The following UBR1 variants were observed in gnomAD, a reference collection of about 807,000 sequenced individuals.
UBR1 encodes ubiquitin protein ligase E3 component n-recognin 1, also known as E3 ubiquitin-protein ligase UBR1.
A neutral mutation model predicts 242.1 loss-of-function variants in UBR1; 102 were observed. The observed-to-expected ratio is 0.42, with a 90% CI of 0.36 to 0.50. The LOEUF is 0.50. Ranked by LOEUF, UBR1 falls within the 20% of genes least tolerant of loss-of-function variation. The pLI, the probability that UBR1 is intolerant of heterozygous loss-of-function variation, is 0.01. For synonymous variants in UBR1, 675 were observed against 684.8 expected (o/e 0.99, Z 0.22); for missense variants, 1,772 against 2,101.8 (o/e 0.84, Z 3.07).
intron 32 of UBR1, among the ~76,000 whole-genome samples, chr15:43,001,520 T>C (rs1429023200): frequency 6.6e-6 from 1 of 152,248 alleles, no homozygotes; most frequent in Non-Finnish European, 1.5e-5. Context: ...TAAAGGTATT[T>C]TTATCAACAA....
intron 37 of UBR1, among the ~76,000 whole-genome samples, chr15:42,983,563 G>A (rs908570890): frequency 4.0e-5 from 6 of 151,424 alleles, no homozygotes; most frequent in African/African-American, 1.5e-4. Context: ...TACTCAGAGG[G>A]CTGAGAAAGC....
At chr15:43,095,940 G>C (rs1240666528) in intron 1 of UBR1, among the ~76,000 whole-genome samples, 2 of 152,094 alleles carry the variant, frequency 1.3e-5, no homozygotes. Flanking sequence ...AATTTTTTTG[G>C]TTTCCCAATG....
intron 3 of UBR1, among the ~76,000 whole-genome samples, chr15:43,077,865 G>A (rs1336192112): frequency 1.3e-5 from 2 of 152,064 alleles, no homozygotes; most frequent in Non-Finnish European, 2.9e-5. Flanking sequence ...GCAACAACCT[G>A]ATTTTGAATC....
intron 4 of UBR1, among the ~76,000 whole-genome samples, chr15:43,072,453 A>G (rs891572242): frequency 7.2e-5 from 11 of 152,194 alleles, no homozygotes; most frequent in African/African-American, 2.4e-4. Flanking sequence ...TGGTGTCTAC[A>G]AAATCACGTC....
intron 29 of UBR1, among the ~76,000 whole-genome samples, chr15:43,009,774 C>T (rs896854520): frequency 6.6e-6 from 1 of 152,174 alleles, no homozygotes; most frequent in African/African-American, 2.4e-5. Context: ...TCTGTCTGTG[C>T]AAGAAGCTCC....
At chr15:43,009,935 A>G (rs1446572565) in intron 29 of UBR1, among the ~76,000 whole-genome samples, 2 of 152,196 alleles carry the variant, frequency 1.3e-5, no homozygotes, top group African/African-American at 2.4e-5. Context: ...CAGTGGCGCG[A>G]TCTCGGCTCA....
At chr15:43,016,308 G>A (rs913209314) in intron 28 of UBR1, among the ~76,000 whole-genome samples, 1 of 152,088 alleles carries the variant, frequency 6.6e-6, no homozygotes, top group African/African-American at 2.4e-5. Flanking sequence ...TTTGGTGCAT[G>A]TTAATTTTCT....
intron 14 of UBR1, 99 bp from the exon 15 acceptor site, chr15:43,043,494 TACAGTGGCATAATC>T: frequency 9.0e-7 from 1 of 1,110,392 alleles, no homozygotes; most frequent in Non-Finnish European, 1.3e-6. Flanking sequence ...TAGGCTGGAG[TACAGTGGCATAATC>T]ACAGCTCACT....
intron 14 of UBR1, among the ~76,000 whole-genome samples, chr15:43,045,180 C>G (rs1221799685): frequency 6.6e-6 from 1 of 152,032 alleles, no homozygotes; most frequent in Non-Finnish European, 1.5e-5. Context: ...AGTTTGAGGC[C>G]AGGTGTGGTG....
chr15:43,027,991 G>A (rs1380964649), intron 21 of UBR1, among the ~76,000 whole-genome samples, 163 bp from the exon 22 acceptor site: 6 of 152,090 alleles, frequency 3.9e-5, no homozygotes, highest in Non-Finnish European at 7.4e-5. Context: ...AATTATCTAC[G>A]TTTTGGGAGA....
At chr15:43,023,802 C>A (rs1411158845) in intron 25 of UBR1, among the ~76,000 whole-genome samples, 2 of 151,794 alleles carry the variant, frequency 1.3e-5, no homozygotes, top group Non-Finnish European at 2.9e-5. Context: ...TTTTTGGAGG[C>A]CAATTTGAAA....
At chr15:42,996,835 GAGT>G (rs2032648579) in intron 33 of UBR1, among the ~76,000 whole-genome samples, 1 of 152,150 alleles carries the variant, frequency 6.6e-6, no homozygotes, top group Non-Finnish European at 1.5e-5. Flanking sequence ...TAAATATTTT[GAGT>G]AGAATACCTA....
intron 20 of UBR1, 55 bp downstream of exon 20, chr15:43,032,513 G>A: frequency 2.5e-6 from 3 of 1,200,422 alleles, no homozygotes; most frequent in Non-Finnish European, 3.7e-6. Context: ...CATATAAATG[G>A]TCTCTCTAAA....
chr15:43,104,516 A>G (rs2034273672), intron 1 of UBR1, among the ~76,000 whole-genome samples: 1 of 152,070 alleles, frequency 6.6e-6, no homozygotes, highest in Non-Finnish European at 1.5e-5. Context: ...TTGAACTGCT[A>G]TTTGGGGTGG....
chr15:42,971,224 G>T, intron 39 of UBR1, among the ~76,000 whole-genome samples: 1 of 152,220 alleles, frequency 6.6e-6, no homozygotes. Flanking sequence ...AGGAATCTAA[G>T]CCAGCAGATA....
chr15:43,030,807 C>G (rs2033246032), intron 20 of UBR1, among the ~76,000 whole-genome samples: 1 of 152,172 alleles, frequency 6.6e-6, no homozygotes, highest in South Asian at 2.1e-4. Flanking sequence ...CCTATGATAT[C>G]TATAAGAGGG....
chr15:42,972,125 A>C, intron 39 of UBR1, among the ~76,000 whole-genome samples: 1 of 152,258 alleles, frequency 6.6e-6, no homozygotes, highest in East Asian at 1.9e-4. Context: ...CCATTGTAGT[A>C]TTTTTCATAA....
At chr15:42,997,000 G>A (rs1020897083) in intron 33 of UBR1, among the ~76,000 whole-genome samples, 3 of 152,164 alleles carry the variant, frequency 2.0e-5, no homozygotes, top group African/African-American at 7.2e-5. Context: ...GGCCATGGAC[G>A]AGTACCAGTC....
chr15:43,078,018 T>G (rs1306792480), intron 3 of UBR1, among the ~76,000 whole-genome samples: 3 of 152,150 alleles, frequency 2.0e-5, no homozygotes, highest in Non-Finnish European at 2.9e-5. Context: ...GAATTCCCAT[T>G]GCCTATCCCT....
Sources: allele counts gnomAD v4.1 joint callset (sites outside exome capture counted in the v4.1 genomes callset), GRCh38; gene constraint gnomAD v4.1.1; transcripts MANE v1.5; gene names NCBI Gene and HGNC (gene_info 2026-07-23, HGNC 2026-07-21).